The following CCDC60 variants were observed in gnomAD, a reference collection of about 807,000 sequenced individuals.
The protein encoded by CCDC60 is coiled-coil domain containing 60.
A neutral mutation model predicts 63.5 loss-of-function variants in CCDC60; 54 were observed. The observed-to-expected ratio is 0.85, with a 90% confidence interval of 0.68 to 1.07. CCDC60 has a LOEUF of 1.07. Ranked by LOEUF, CCDC60 falls within the 50% of genes least tolerant of loss-of-function variation. The pLI is 0.00. For missense variants in CCDC60, 651 were observed against 684.3 expected, an observed-to-expected ratio of 0.95 and a Z score of 0.54; for synonymous variants, 206 against 238.8, an observed-to-expected ratio of 0.86 and a Z score of 1.27.
chr12:119,507,412 TC>T (rs1208514281), intron 7 of CCDC60, among the ~76,000 whole-genome samples: 1 of 149,082 alleles, frequency 6.7e-6, no homozygotes, highest in Non-Finnish European at 1.5e-5. Context: ...GATATGCGAT[TC>T]TTATATATAT....
At chr12:119,360,029 G>A (rs199516550) in intron 1 of CCDC60, among the ~76,000 whole-genome samples, 38,203 of 149,522 alleles carry the variant, frequency 0.26, 5,791 homozygotes, top group East Asian at 0.79. Context: ...ATCCTGGCCC[G>A]TTCTCAATGA....
chr12:119,523,076 G>A (rs1952574340), intron 10 of CCDC60, 75 bp downstream of exon 10: 4 of 1,346,954 alleles, frequency 3.0e-6, no homozygotes, highest in East Asian at 4.6e-5. Context: ...TCCCAGGGGT[G>A]TAGAAATGAC....
chr12:119,341,994 A>G (rs773755654), intron 1 of CCDC60, among the ~76,000 whole-genome samples: 1 of 152,242 alleles, frequency 6.6e-6, no homozygotes. Context: ...GGAAAACACC[A>G]TATATAAATT....
intron 1 of CCDC60, among the ~76,000 whole-genome samples, chr12:119,414,011 G>C (rs1192014629): frequency 6.6e-6 from 1 of 151,768 alleles, no homozygotes; most frequent in Non-Finnish European, 1.5e-5. Flanking sequence ...ACCCTGCACT[G>C]TCTATCACTC....
chr12:119,540,625 A>G lies in CCDC60; in HGVS notation c.1563A>G (p.Glu521=), dbSNP rs1365634814. Reference sequence around the variant, plus strand: ...TGTCTGCCTCACAGTTTGTGCGAGAACACATCATCCATATGCCTCAAGAGG... The same window carrying G: ...TGTCTGCCTCACAGTTTGTGCGAGAGCACATCATCCATATGCCTCAAGAGG... ...DIAVAIEFVR[E]HIIHMPQEDY... The change falls in exon 14 of 14, where the codon GAA becomes GAG. Residue 521 remains glutamate (E), a synonymous_variant. Transcript: ENST00000327554. 1 of 1,613,728 alleles carries G rather than the reference A, an allele frequency of 6.2e-7. No homozygotes were observed. Among genetic ancestry groups the G allele is most frequent in the Middle Eastern group, 1.6e-4 (1 of 6,062 alleles).
intron 7 of CCDC60, among the ~76,000 whole-genome samples, chr12:119,515,249 C>T (rs555315731): frequency 6.6e-6 from 1 of 152,290 alleles, no homozygotes; most frequent in Admixed American, 6.5e-5. Context: ...CATATCTTAG[C>T]AGAGAGGGTC....
intron 2 of CCDC60, among the ~76,000 whole-genome samples, chr12:119,435,500 A>C (rs1032907850): frequency 6.6e-6 from 1 of 152,340 alleles, no homozygotes; most frequent in East Asian, 1.9e-4. Context: ...AGGAGGTAGT[A>C]ATGTTGCCCT....
At chr12:119,520,001 C>A in intron 8 of CCDC60, 120 bp from the exon 9 acceptor site, 2 of 825,076 alleles carry the variant, frequency 2.4e-6, no homozygotes, top group Non-Finnish European at 4.0e-6. Flanking sequence ...GAGTGCTGTG[C>A]TCAGTAGAGT....
intron 5 of CCDC60, among the ~76,000 whole-genome samples, chr12:119,495,325 C>T (rs939704630): frequency 6.6e-6 from 1 of 152,178 alleles, no homozygotes; most frequent in Non-Finnish European, 1.5e-5. Context: ...CAATGTGGTA[C>T]TTTCTGGGAG....
chr12:119,445,433 CAAAAA>C (rs58415660), intron 2 of CCDC60, among the ~76,000 whole-genome samples: 25 of 27,196 alleles, frequency 9.2e-4, no homozygotes, highest in African/African-American at 3.6e-3. Context: ...GACTCCATCT[CAAAAA>C]AAAAAAAAAA....
At chr12:119,531,294 C>A (rs575621428) in intron 13 of CCDC60, among the ~76,000 whole-genome samples, 2 of 152,244 alleles carry the variant, frequency 1.3e-5, no homozygotes, top group African/African-American at 4.8e-5. Flanking sequence ...TTTGGGGTGG[C>A]ATAAAAAATG....
intron 1 of CCDC60, among the ~76,000 whole-genome samples, chr12:119,405,752 A>G (rs1809801816): frequency 6.6e-6 from 1 of 152,308 alleles, no homozygotes; most frequent in East Asian, 1.9e-4. Flanking sequence ...TAAAACTTGA[A>G]TAATTTTCTG....
intron 2 of CCDC60, among the ~76,000 whole-genome samples, chr12:119,455,484 A>C (rs978543009): frequency 6.6e-6 from 1 of 152,240 alleles, no homozygotes; most frequent in Non-Finnish European, 1.5e-5. Flanking sequence ...AATGACCAAC[A>C]GTTGATAGTT....
intron 10 of CCDC60, 86 bp downstream of exon 10, chr12:119,523,087 C>G: frequency 8.5e-7 from 1 of 1,178,766 alleles, no homozygotes; most frequent in South Asian, 1.2e-5. Context: ...TAGAAATGAC[C>G]CAATGCAGAC....
At chr12:119,528,892 C>A in intron 12 of CCDC60, 146 bp downstream of exon 12, 2 of 751,264 alleles carry the variant, frequency 2.7e-6, no homozygotes, top group Non-Finnish European at 4.1e-6. Flanking sequence ...GATCCCCCAC[C>A]CCCCAGAAAC....
chr12:119,507,997 A>C (rs1302008108), intron 7 of CCDC60, among the ~76,000 whole-genome samples: 1 of 151,946 alleles, frequency 6.6e-6, no homozygotes, highest in Non-Finnish European at 1.5e-5. Flanking sequence ...GTGAGACCCC[A>C]TCTCTACATG....
At chr12:119,395,239 G>A (rs1393011073) in intron 1 of CCDC60, among the ~76,000 whole-genome samples, 15 of 152,192 alleles carry the variant, frequency 9.9e-5, no homozygotes, top group Admixed American at 9.8e-4. Flanking sequence ...CCACTGAAGG[G>A]TCTTGAGCAA....
intron 1 of CCDC60, among the ~76,000 whole-genome samples, chr12:119,346,018 T>A (rs951878271): frequency 6.7e-6 from 1 of 148,936 alleles, no homozygotes; most frequent in African/African-American, 2.5e-5. Context: ...AGAGATGGAG[T>A]TTTGCCATAT....
intron 5 of CCDC60, among the ~76,000 whole-genome samples, chr12:119,499,493 GACAATGACT>G (rs1191052212): frequency 1.3e-5 from 2 of 152,184 alleles, no homozygotes; most frequent in African/African-American, 4.8e-5. Context: ...AAAATGGGAT[GACAATGACT>G]ACATCACAAG....
Sources: gnomAD v4.1 joint callset for allele counts (sites outside exome capture counted in the v4.1 genomes callset) on GRCh38, gnomAD v4.1.1 for gene constraint, MANE v1.5 for transcripts, NCBI Gene and HGNC (gene_info 2026-07-23, HGNC 2026-07-21) for gene names.